The following NKX6-1 variants were observed in gnomAD, a reference collection of about 807,000 sequenced individuals.
The protein encoded by NKX6-1 is homeobox protein Nkx-6.1.
NKX6-1 carries 11 observed loss-of-function variants against 24.9 expected under a neutral mutation model. The observed-to-expected ratio is 0.44, with a 90% CI of 0.28 to 0.73. The LOEUF (loss-of-function observed/expected upper bound fraction) is 0.73, where lower values mean the gene tolerates loss of function less well. Among genes scored for constraint, NKX6-1 ranks in the 30% least tolerant of loss-of-function variants. NKX6-1 has a pLI of 0.15. For synonymous variants in NKX6-1, 277 were observed against 242.9 expected, an observed-to-expected ratio of 1.14 and a Z score of -1.31; for missense variants, 487 against 502.9, an observed-to-expected ratio of 0.97 and a Z score of 0.30.
Position 84,497,698 on chromosome 4 carries a change from G to A in NKX6-1, c.531C>T (p.Phe177=). The A allele has an allele frequency of 1.1e-5, 14 of 1,270,420 alleles. No individual in the cohort carries two copies. Among genetic ancestry groups the A allele is most frequent in the Non-Finnish European group, 1.4e-5 (14 of 1,004,724 alleles). The allele number at this position is 1,270,420 out of a possible 1,614,324, so 78.7% of individuals were successfully genotyped here. ...SPPPPPPGLY[F]SPSAAAVAAV... ...CGGCCACGGCCGCGGCGCTGGGGCT[G>A]AAGTAGAGCCCGGGCGGCGGCGGCG... Residue 177 remains phenylalanine, a synonymous_variant, in exon 1 of 3, where the codon TTC becomes TTT. Coordinates refer to ENST00000295886, the MANE Select transcript of NKX6-1 (RefSeq NM_006168.3). The surrounding 1 kb of genome is among the most constrained non-coding windows in gnomAD (Gnocchi z 4.8).
rs1000560251 is a variant in NKX6-1, at chr4:84,499,182, C to T, written c.-954G>A. Among the ~76,000 whole-genome samples the T allele has an allele frequency of 6.6e-6, 1 of 152,196 alleles. No individual in the cohort carries two copies. Among genetic ancestry groups the T allele is most frequent in the Non-Finnish European group, 1.5e-5 (1 of 68,046 alleles). On this transcript the variant is annotated 5_prime_UTR_variant, in exon 1 of 3. Coordinates refer to ENST00000295886, the MANE Select transcript of NKX6-1 (RefSeq NM_006168.3). ...TCGCGGCTTCCCAGGCTTCGGTCTT[C>T]TAAGTCCTGTCCTCTGGCCAAACTG...
chr4:84,497,477 C>T lies in NKX6-1; in HGVS notation c.670+82G>A, dbSNP rs1369785849. On this transcript the variant is annotated intron_variant, in intron 1 of 2. Coordinates refer to ENST00000295886, the MANE Select transcript of NKX6-1 (RefSeq NM_006168.3). This position sits in a 1 kb window ranked among gnomAD's most constrained non-coding sequence, Gnocchi z 4.8. ...GCGGGCCACAGGATGGACTGAGCGG[C>T]ATGCACACCAGGGGCCGCGACCCGG... 3 of 1,247,976 alleles carry T rather than the reference C, an allele frequency of 2.4e-6. No homozygotes were observed. The highest frequency in any genetic ancestry group is 6.3e-5 in the East Asian group (2 of 31,692). 77.3% of individuals were successfully genotyped at this position (1,247,976 alleles called of 1,614,324 possible).
In NKX6-1 at chr4:84,498,486, T is replaced by C. The variant is rs770080638; in HGVS notation, c.-258A>G. 12 of 391,624 alleles carry C rather than the reference T, an allele frequency of 3.1e-5. No homozygotes were observed. The highest frequency in any genetic ancestry group is 5.4e-5 in the Non-Finnish European group (12 of 222,460). The allele number at this position is 391,624 out of a possible 1,614,324, so 24.3% of individuals were successfully genotyped here. ...GGCGTCCCGGCGGGCTAGGCAGTCCTTTCGTTCCGCGAGTCCTAGATTCGA... is the reference window on the plus strand; with the variant it reads ...GGCGTCCCGGCGGGCTAGGCAGTCCCTTCGTTCCGCGAGTCCTAGATTCGA... On this transcript the variant is annotated 5_prime_UTR_variant, in exon 1 of 3. Coordinates refer to ENST00000295886, the MANE Select transcript of NKX6-1 (RefSeq NM_006168.3).
In NKX6-1 at chr4:84,495,584, GGTGTGTGTGTGT is replaced by G. The variant is rs10549802; in HGVS notation, c.843+76_843+87del. ...CCCAGGCGACTGTTTGTTAGTTTGGGGTGTGTGTGTGTGTGTGTGTGCCCATGTGTGCACGCG... is the reference window on the plus strand; with the variant it reads ...CCCAGGCGACTGTTTGTTAGTTTGGGGTGTGTGTGCCCATGTGTGCACGCG... On this transcript the variant is annotated intron_variant, in intron 2 of 2. Transcript: ENST00000295886. The G allele has an allele frequency of 1.6e-3, 1,533 of 960,666 alleles. 1 individual carries two copies. Among genetic ancestry groups the G allele is most frequent in the Non-Finnish European group, 2.1e-3 (1,339 of 646,516 alleles). 59.5% of individuals were successfully genotyped at this position (960,666 alleles called of 1,614,324 possible).
rs1720759721 is a variant in NKX6-1 at position 84,493,281 on chromosome 4, G to C, written c.*8C>G. 2 of 1,431,182 alleles carry C rather than the reference G, an allele frequency of 1.4e-6. No homozygotes were observed. Among genetic ancestry groups the C allele is most frequent in the Non-Finnish European group, 1.8e-6 (2 of 1,097,514 alleles). 88.7% of individuals were successfully genotyped at this position (1,431,182 alleles called of 1,614,324 possible). ...CCGGAGCCGGGAAGGTGCGGCGGGC[G>C]GCGGCGTTCAGGATGAGCTCTCCGG... On this transcript the variant is annotated 3_prime_UTR_variant, in exon 3 of 3. Transcript: ENST00000295886. The surrounding 1 kb of genome is among the most constrained non-coding windows in gnomAD (Gnocchi z 5.1).
Position 84,497,769 on chromosome 4 carries a change from CCGGGGATGAGGCGGCGGCTGCGGCCGCGG to C in NKX6-1, c.431_459del (p.Ala144GlyfsTer11), listed in dbSNP as rs1720849412. 7.8e-7 allele frequency: 1 copy of C among 1,276,468 alleles called. No individual in the cohort carries two copies. Among genetic ancestry groups the C allele is most frequent in the Admixed American group, 4.1e-5 (1 of 24,464 alleles). 79.1% of individuals were successfully genotyped at this position (1,276,468 alleles called of 1,614,324 possible). On this transcript the variant is annotated frameshift_variant, in exon 1 of 3. Coordinates refer to ENST00000295886, the MANE Select transcript of NKX6-1 (RefSeq NM_006168.3). LOFTEE classifies it high-confidence loss of function. This position sits in a 1 kb window ranked among gnomAD's most constrained non-coding sequence, Gnocchi z 4.8. ...CGTGGCAGTCCGGCCAGCAGCCCCG[CCGGGGATGAGGCGGCGGCTGCGGCCGCGG>C]CAGCAGCCGCGGCGGCGGCAGAGGC... is the stretch of plus-strand genomic sequence containing the variant.
At position 84,493,928 on chromosome 4, in the gene NKX6-1, C is replaced by T. The variant is rs1720773849; in HGVS notation, c.844-379G>A. Among the ~76,000 whole-genome samples, 1 of 152,174 alleles carries T rather than the reference C, an allele frequency of 6.6e-6. No homozygotes were observed. Among genetic ancestry groups the T allele is most frequent in the Non-Finnish European group, 1.5e-5 (1 of 68,042 alleles). ...AAAACTTTCCCCCTTCATGAAGTTGCCCCACAGTGGCTGTGATTTTATTCC... is the reference window on the plus strand; with the variant it reads ...AAAACTTTCCCCCTTCATGAAGTTGTCCCACAGTGGCTGTGATTTTATTCC... On this transcript the variant is annotated intron_variant, in intron 2 of 2. Coordinates refer to ENST00000295886, the MANE Select transcript of NKX6-1 (RefSeq NM_006168.3). The surrounding 1 kb of genome is among the most constrained non-coding windows in gnomAD (Gnocchi z 5.1).
chr4:84,497,955 C>T lies in NKX6-1; in HGVS notation c.274G>A (p.Ala92Thr), dbSNP rs561376633. 7 of 1,299,752 alleles carry T rather than the reference C, an allele frequency of 5.4e-6. No individual in the cohort carries two copies. The South Asian group carries it at 1.9e-4, about 36-fold the overall frequency. 80.5% of individuals were successfully genotyped at this position (1,299,752 alleles called of 1,614,324 possible). A position where few individuals can be genotyped will look rare whatever the true frequency, so the allele number is the denominator to read the frequency against. The change falls in exon 1 of 3, where the codon GCC becomes ACC. Residue 92 changes from alanine (A) to threonine (T), a missense_variant. By Grantham distance (58) the Ala-to-Thr change is moderately conservative. Around this residue, in one of 3 missense-constraint regions of NKX6-1, gnomAD observed 316 missense variants for 311.4 expected, o/e 1.01. Transcript: ENST00000295886. This position sits in a 1 kb window ranked among gnomAD's most constrained non-coding sequence, Gnocchi z 4.8. ...TCGTTGATGCCGTGTGGGGTGGCGG[C>T]CGAGAGCTGCTGCGGGGGGCTGCCG... ...SLGSPPQQLS[A>T]ATPHGINDIL...
rs919794047 is a variant in NKX6-1 at position 84,493,150 on chromosome 4, T to C, written c.*139A>G. 1.4e-6 allele frequency: 1 copy of C among 716,102 alleles called. No individual in the cohort carries two copies. Among genetic ancestry groups the C allele is most frequent in the Non-Finnish European group, 2.0e-6 (1 of 496,882 alleles). The allele number at this position is 716,102 out of a possible 1,614,324, so 44.4% of individuals were successfully genotyped here. ...AAAATAGATATGTACATCTCAAAAATAGCAAAGGGTCCCCGCAGGCAGGGC... is the reference window on the plus strand; with the variant it reads ...AAAATAGATATGTACATCTCAAAAACAGCAAAGGGTCCCCGCAGGCAGGGC... On this transcript the variant is annotated 3_prime_UTR_variant, in exon 3 of 3. Transcript: ENST00000295886. This position sits in a 1 kb window ranked among gnomAD's most constrained non-coding sequence, Gnocchi z 5.1.
At position 84,498,184 on chromosome 4, in the gene NKX6-1, G is replaced by A. The variant is rs1405613130; in HGVS notation, c.45C>T (p.Phe15=). The A allele has an allele frequency of 3.9e-6, 5 of 1,297,982 alleles. No homozygotes were observed. The highest frequency in any genetic ancestry group is 2.8e-5 in the East Asian group (1 of 35,572). The allele number at this position is 1,297,982 out of a possible 1,614,324, so 80.4% of individuals were successfully genotyped here. ...GAMEGTRQSA[F]LLSSPPLAAL... is the part of the protein sequence containing the mutation. ...CGGCCAGGGGAGGGCTGCTGAGCAG[G>A]AATGCGCTCTGCCGGGTGCCCTCCA... The change falls in exon 1 of 3, where the codon TTC becomes TTT. Residue 15 remains phenylalanine, a synonymous_variant. Transcript: ENST00000295886.
At chr4:84,495,346 C>A (rs567700019) in intron 2 of NKX6-1, among the ~76,000 whole-genome samples, 1 of 152,218 alleles carries the variant, frequency 6.6e-6, no homozygotes, top group Non-Finnish European at 1.5e-5. Flanking sequence ...CTGATCTATT[C>A]TCTGGGCTGA....
chr4:84,493,549 C>T lies in NKX6-1; in HGVS notation c.844G>A (p.Val282Ile). 6.2e-7 allele frequency: 1 copy of T among 1,613,976 alleles called. No individual in the cohort carries two copies. The highest frequency in any genetic ancestry group is 1.1e-5 in the South Asian group (1 of 91,078). Residue 282 changes from valine (V) to isoleucine (I), a missense_variant and splice_region_variant, in exon 3 of 3, where the codon GTC becomes ATC. Val to Ile is a conservative substitution (Grantham distance 29, BLOSUM62 3). Transcript: ENST00000295886. The surrounding 1 kb of genome is among the most constrained non-coding windows in gnomAD (Gnocchi z 5.1). ...TTGGTCCGGCGGTTCTGGAACCAGA[C>T]CTGAGGGCGGAGAAAAGGGAGGAGA... ...SLGMTESQVKVWFQNRRTKWR... is the reference protein window; with the variant it reads ...SLGMTESQVKIWFQNRRTKWR...
chr4:84,495,617 A>T, intron 2 of NKX6-1, 55 bp downstream of exon 2: 4 of 1,478,882 alleles, frequency 2.7e-6, no homozygotes, highest in Non-Finnish European at 3.7e-6. Context: ...CCATGTGTGC[A>T]CGCGCGCGCG....
In NKX6-1 at chr4:84,497,814, C is replaced by CGGCAGAGGCGGAGGA. The variant is rs778404331; in HGVS notation, c.400_414dup (p.Ser134_Ala138dup). On this transcript the variant is annotated inframe_insertion, in exon 1 of 3. Transcript: ENST00000295886. The surrounding 1 kb of genome is among the most constrained non-coding windows in gnomAD (Gnocchi z 4.8). ...GCGGCCGCGGCAGCAGCCGCGGCGGCGGCAGAGGCGGAGGAGGCAGAGGCG... is the reference window on the plus strand; with the variant it reads ...GCGGCCGCGGCAGCAGCCGCGGCGGCGGCAGAGGCGGAGGAGGCAGAGGCGGAGGAGGCAGAGGCG... 2,903 of 1,270,622 alleles carry CGGCAGAGGCGGAGGA rather than the reference C, an allele frequency of 2.3e-3. 8 individuals are homozygous for CGGCAGAGGCGGAGGA. The highest frequency in any genetic ancestry group is 5.4e-3 in the Middle Eastern group (18 of 3,340). 78.7% of individuals were successfully genotyped at this position (1,270,622 alleles called of 1,614,324 possible). A position where few individuals can be genotyped will look rare whatever the true frequency, so the allele number is the denominator to read the frequency against.
At chr4:84,495,552 C>T in intron 2 of NKX6-1, 120 bp downstream of exon 2, 3 of 909,380 alleles carry the variant, frequency 3.3e-6, no homozygotes, top group Admixed American at 2.4e-5. Flanking sequence ...TCCTTGGATT[C>T]GCACCTCCCA....
rs201800678 is a variant in NKX6-1 at position 84,493,575 on chromosome 4, G to A, written c.844-26C>T. ...CTGAGGGCGGAGAAAAGGGAGGAGA[G>A]GGGAGGCAAGGGCGAGGAATTAAAC... On this transcript the variant is annotated intron_variant, in intron 2 of 2. Coordinates refer to ENST00000295886, the MANE Select transcript of NKX6-1 (RefSeq NM_006168.3). This position sits in a 1 kb window ranked among gnomAD's most constrained non-coding sequence, Gnocchi z 5.1. 1 of 1,612,572 alleles carries A rather than the reference G, an allele frequency of 6.2e-7. No homozygotes were observed. Among genetic ancestry groups the A allele is most frequent in the Non-Finnish European group, 8.5e-7 (1 of 1,178,996 alleles).
rs1578469768 is a variant in NKX6-1 at position 84,498,481 on chromosome 4, A to C, written c.-253T>G. 2.5e-6 allele frequency: 1 copy of C among 393,952 alleles called. No homozygotes were observed. The highest frequency in any genetic ancestry group is 3.6e-5 in the East Asian group (1 of 27,590). 24.4% of individuals were successfully genotyped at this position (393,952 alleles called of 1,614,324 possible). On this transcript the variant is annotated 5_prime_UTR_variant, in exon 1 of 3. Coordinates refer to ENST00000295886, the MANE Select transcript of NKX6-1 (RefSeq NM_006168.3). The stretch of plus-strand genomic sequence containing the variant: ...AAGCAGGCGTCCCGGCGGGCTAGGC[A>C]GTCCTTTCGTTCCGCGAGTCCTAGA...
intron 1 of NKX6-1, 45 bp from the exon 2 acceptor site, chr4:84,495,889 T>C (rs757383927): frequency 1.3e-6 from 2 of 1,598,616 alleles, no homozygotes; most frequent in Admixed American, 3.4e-5. Flanking sequence ...AAACAATCGG[T>C]TACAAGCGGC....
rs758425958 is a variant in NKX6-1, at chr4:84,495,810, C to T, written c.705G>A (p.Lys235=). Residue 235 remains lysine (K), a synonymous_variant, in exon 2 of 3, where the codon AAG becomes AAA. Coordinates refer to ENST00000295886, the MANE Select transcript of NKX6-1 (RefSeq NM_006168.3). The part of the protein sequence containing the change: ...QGSILLDKDG[K]RKHTRPTFSG... ...AAAAAGTGGGTCTCGTGTGTTTTCT[C>T]TTCCCGTCTTTGTCCAACAAAATGG... is the stretch of plus-strand genomic sequence containing the variant. The T allele has an allele frequency of 1.2e-5, 19 of 1,614,094 alleles. No individual in the cohort carries two copies. In the Admixed American group the frequency reaches 1.3e-4, roughly 11 times the overall value.
Sources: allele counts gnomAD v4.1 joint callset (sites outside exome capture counted in the v4.1 genomes callset), GRCh38; gene constraint gnomAD v4.1.1; regional missense constraint gnomAD v4.1.1; non-coding constraint Gnocchi (gnomAD v3.1); transcripts MANE v1.5; gene names NCBI Gene and HGNC (gene_info 2026-07-23, HGNC 2026-07-21).